The following PCOLCE2 variants were observed in gnomAD, a reference collection of about 807,000 sequenced individuals.
PCOLCE2 encodes procollagen C-proteinase enhancer 2.
A neutral mutation model predicts 47.0 loss-of-function variants in PCOLCE2; 42 were observed. That is an observed-to-expected ratio of 0.89 (90% CI 0.70 to 1.16). The LOEUF is 1.16. PCOLCE2 is among the 50% of genes most tolerant of loss of function. The probability of loss-of-function intolerance (pLI) is 0.00; values close to 1 mark genes in which losing one functional copy is unlikely to be tolerated. For synonymous variants in PCOLCE2, 169 were observed against 191.7 expected (o/e 0.88, Z 0.98); for missense variants, 500 against 526.1 (o/e 0.95, Z 0.49).
intron 5 of PCOLCE2, among the ~76,000 whole-genome samples, chr3:142,836,192 G>A (rs1271703999): frequency 1.3e-5 from 2 of 152,182 alleles, no homozygotes; most frequent in African/African-American, 4.8e-5. Flanking sequence ...TCTCATCGGA[G>A]ACTATCCGTT....
intron 6 of PCOLCE2, among the ~76,000 whole-genome samples, chr3:142,825,540 G>GCTAT (rs1937066893): frequency 6.6e-6 from 1 of 152,120 alleles, no homozygotes; most frequent in Non-Finnish European, 1.5e-5. Flanking sequence ...ATGTCTTCAT[G>GCTAT]CTATGGCTGT....
At chr3:142,873,911 T>A (rs1453631558) in intron 2 of PCOLCE2, among the ~76,000 whole-genome samples, 2 of 152,070 alleles carry the variant, frequency 1.3e-5, no homozygotes, top group Non-Finnish European at 2.9e-5. Context: ...AACTTAGAAG[T>A]CTCCTAATAT....
At chr3:142,845,919 G>A (rs764516062) in intron 3 of PCOLCE2, among the ~76,000 whole-genome samples, 8 of 152,096 alleles carry the variant, frequency 5.3e-5, no homozygotes, top group Non-Finnish European at 8.8e-5. Context: ...AGGTTGCAGT[G>A]GGCCGAGATA....
At chr3:142,850,277 C>T (rs1002568910) in intron 2 of PCOLCE2, among the ~76,000 whole-genome samples, 6 of 152,094 alleles carry the variant, frequency 3.9e-5, no homozygotes, top group Non-Finnish European at 8.8e-5. Flanking sequence ...CTATGAATCA[C>T]CGAAAAAGTC....
In PCOLCE2 at chr3:142,842,801, C is replaced by T. The variant is rs1253176708; in HGVS notation, c.573+123G>A. ...GAAATACCTGTGTCCAGGAACCTTC[C>T]TCTTCTTGTATCCCTTAGCTCTCGA... On this transcript the variant is annotated intron_variant, in intron 4 of 8. Transcript: ENST00000295992. This position sits in a 1 kb window ranked among gnomAD's most constrained non-coding sequence, Gnocchi z 4.1. The T allele has an allele frequency of 7.7e-6, 7 of 913,194 alleles. No individual in the cohort carries two copies. Among genetic ancestry groups the T allele is most frequent in the Non-Finnish European group, 1.0e-5 (6 of 589,446 alleles). 56.6% of individuals were successfully genotyped at this position (913,194 alleles called of 1,614,324 possible).
At chr3:142,884,869 C>T (rs1320881686) in intron 2 of PCOLCE2, among the ~76,000 whole-genome samples, 1 of 152,204 alleles carries the variant, frequency 6.6e-6, no homozygotes, top group Non-Finnish European at 1.5e-5. Context: ...TACTATATTA[C>T]ATATTGTCCA....
rs1439654691 is a variant in PCOLCE2 at position 142,889,036 on chromosome 3, C to A, written c.-140G>T. On this transcript the variant is annotated 5_prime_UTR_variant, in exon 1 of 9. The change creates a new upstream start codon in the 5' untranslated region. Transcript: ENST00000295992. ...CGGCGCTCGGCTGCCCGCGCGCTCC[C>A]TCTCACGCGCGCACCGCCGCGGGGC... 1 of 405,916 alleles carries A rather than the reference C, an allele frequency of 2.5e-6. No individual in the cohort carries two copies. Among genetic ancestry groups the A allele is most frequent in the African/African-American group, 2.1e-5 (1 of 48,238 alleles). 25.1% of individuals were successfully genotyped at this position (405,916 alleles called of 1,614,324 possible). A position where few individuals can be genotyped will look rare whatever the true frequency, so the allele number is the denominator to read the frequency against.
intron 2 of PCOLCE2, among the ~76,000 whole-genome samples, chr3:142,886,708 A>G (rs921243889): frequency 2.0e-5 from 3 of 152,210 alleles, no homozygotes; most frequent in Non-Finnish European, 2.9e-5. Context: ...GTCAATTTCT[A>G]TAATTGTTTC....
intron 6 of PCOLCE2, among the ~76,000 whole-genome samples, chr3:142,828,667 T>G (rs991315866): frequency 1.3e-5 from 2 of 152,216 alleles, no homozygotes; most frequent in Non-Finnish European, 2.9e-5. Context: ...TGCTTTCATT[T>G]AAATAGCTAC....
intron 2 of PCOLCE2, among the ~76,000 whole-genome samples, chr3:142,880,475 G>C (rs572368677): frequency 3.3e-4 from 51 of 152,264 alleles, no homozygotes; most frequent in Admixed American, 3.3e-3. Flanking sequence ...TTCACTATTT[G>C]TTTTCTCAAA....
At chr3:142,823,132 A>T (rs1050783553) in intron 7 of PCOLCE2, among the ~76,000 whole-genome samples, 2 of 152,174 alleles carry the variant, frequency 1.3e-5, no homozygotes, top group African/African-American at 2.4e-5. Context: ...ATTTCTTCTG[A>T]GAGAGACCAG....
chr3:142,827,727 T>C, intron 6 of PCOLCE2: 2 of 825,060 alleles, frequency 2.4e-6, no homozygotes, highest in Non-Finnish European at 4.0e-6. Context: ...TTGTGGATGA[T>C]GGGTGACTCT....
intron 6 of PCOLCE2, among the ~76,000 whole-genome samples, chr3:142,828,002 C>T (rs1182566093): frequency 1.3e-5 from 2 of 152,312 alleles, no homozygotes; most frequent in African/African-American, 4.8e-5. Flanking sequence ...GTCACTGTTT[C>T]CCTCTCATCT....
At chr3:142,831,973 T>A (rs1187885189) in intron 5 of PCOLCE2, among the ~76,000 whole-genome samples, 2 of 152,198 alleles carry the variant, frequency 1.3e-5, no homozygotes, top group Non-Finnish European at 2.9e-5. Flanking sequence ...CTGCAAATTG[T>A]TATAAATCAC....
At chr3:142,859,979 TAA>T (rs1259833790) in intron 2 of PCOLCE2, among the ~76,000 whole-genome samples, 5 of 152,196 alleles carry the variant, frequency 3.3e-5, no homozygotes, top group African/African-American at 1.2e-4. Context: ...CTTAAATGAG[TAA>T]AAGACAGGCT....
intron 7 of PCOLCE2, among the ~76,000 whole-genome samples, chr3:142,822,781 G>T (rs1308424819): frequency 2.0e-5 from 3 of 152,212 alleles, no homozygotes; most frequent in Non-Finnish European, 4.4e-5. Flanking sequence ...CTGGACTACA[G>T]AAGTCACTTC....
At position 142,828,378 on chromosome 3, in the gene PCOLCE2, A is replaced by G. The variant is rs76929021; in HGVS notation, c.865+1314T>C. 1.7e-3 allele frequency among the ~76,000 whole-genome samples: 252 copies of G among 152,364 alleles called. 7 individuals carry two copies. The East Asian group carries it at 0.041, about 25-fold the overall frequency. On this transcript the variant is annotated intron_variant, in intron 6 of 8. Transcript: ENST00000295992. ...TCAATTTTAAATTCATTAACATTAAATTAAAAGTTCAGTTCCTCAATATCA... is the reference window on the plus strand; with the variant it reads ...TCAATTTTAAATTCATTAACATTAAGTTAAAAGTTCAGTTCCTCAATATCA...
At chr3:142,875,730 G>A (rs191153275) in intron 2 of PCOLCE2, among the ~76,000 whole-genome samples, 6 of 152,152 alleles carry the variant, frequency 3.9e-5, no homozygotes, top group African/African-American at 1.2e-4. Flanking sequence ...TCCCAACTCT[G>A]CACCACAGTG....
chr3:142,821,112 G>T, intron 7 of PCOLCE2, 67 bp from the exon 8 acceptor site: 2 of 1,231,016 alleles, frequency 1.6e-6, no homozygotes, highest in Non-Finnish European at 1.2e-6. Context: ...TGAAAAACAA[G>T]TTTACATTCT....
Sources: gnomAD v4.1 joint callset for allele counts (sites outside exome capture counted in the v4.1 genomes callset) on GRCh38, gnomAD v4.1.1 for gene constraint, Gnocchi (gnomAD v3.1) non-coding constraint, MANE v1.5 for transcripts, NCBI Gene and HGNC (gene_info 2026-07-23, HGNC 2026-07-21) for gene names.